CRADD: variants seen among roughly 807,000 people sequenced by gnomAD.
CRADD encodes the protein death domain-containing protein CRADD.
CRADD carries 9 observed loss-of-function variants against 15.5 expected under a neutral mutation model. The ratio of observed to expected loss-of-function variants is 0.58; its 90% CI spans 0.35 to 1.01. The LOEUF is 1.01. CRADD is among the 50% of genes least tolerant of loss of function. The pLI, the probability that CRADD is intolerant of heterozygous loss-of-function variation, is 0.02. For synonymous variants in CRADD, 118 were observed against 107.6 expected (o/e 1.10, Z -0.60); for missense variants, 227 against 250.3 (o/e 0.91, Z 0.63).
At chr12:93,863,814 ATATC>A (rs1167545064) in intron 2 of CRADD, among the ~76,000 whole-genome samples, 1 of 152,124 alleles carries the variant, frequency 6.6e-6, no homozygotes, top group Non-Finnish European at 1.5e-5. Context: ...CTAATTTTCA[ATATC>A]TAAAGCACCA....
chr12:93,749,395 G>T (rs1956805552), intron 2 of CRADD, among the ~76,000 whole-genome samples: 1 of 152,190 alleles, frequency 6.6e-6, no homozygotes, highest in South Asian at 2.1e-4. Context: ...CTGGACAGGA[G>T]AATGGATTTT....
intron 2 of CRADD, among the ~76,000 whole-genome samples, chr12:93,715,409 A>G (rs1956144315): frequency 1.3e-5 from 2 of 152,248 alleles, no homozygotes; most frequent in Non-Finnish European, 2.9e-5. Flanking sequence ...CATTTATTGT[A>G]GAGGAACCTG....
At chr12:93,754,597 A>T (rs954478719) in intron 2 of CRADD, among the ~76,000 whole-genome samples, 2 of 152,252 alleles carry the variant, frequency 1.3e-5, no homozygotes, top group Non-Finnish European at 2.9e-5. Flanking sequence ...AAATGCCACC[A>T]GTCTCTTTGC....
At chr12:93,717,302 A>AT (rs1464934497) in intron 2 of CRADD, among the ~76,000 whole-genome samples, 1 of 151,934 alleles carries the variant, frequency 6.6e-6, no homozygotes, top group African/African-American at 2.4e-5. Context: ...CTCTGCAAAT[A>AT]TTTTTTCTAG....
chr12:93,759,335 T>C (rs777094104), intron 2 of CRADD, among the ~76,000 whole-genome samples: 10 of 152,034 alleles, frequency 6.6e-5, no homozygotes, highest in Admixed American at 2.0e-4. Flanking sequence ...TTAAAAAGAG[T>C]TGCATATATG....
chr12:93,846,022 T>C (rs1958111398), intron 2 of CRADD, among the ~76,000 whole-genome samples: 2 of 151,228 alleles, frequency 1.3e-5, no homozygotes, highest in South Asian at 4.2e-4. Flanking sequence ...CTCATATGAA[T>C]AGAATCAGAA....
chr12:93,882,337 C>T (rs1380110425), intron 2 of CRADD, among the ~76,000 whole-genome samples: 1 of 147,984 alleles, frequency 6.8e-6, no homozygotes, highest in East Asian at 2.0e-4. Context: ...AGGAGAATCG[C>T]TTGAACCCGG....
At chr12:93,750,512 TA>T (rs1311516160) in intron 2 of CRADD, among the ~76,000 whole-genome samples, 1 of 151,944 alleles carries the variant, frequency 6.6e-6, no homozygotes, top group African/African-American at 2.4e-5. Context: ...ACATACTACA[TA>T]AAAAAATAAC....
At chr12:93,770,332 C>T (rs1459412698) in intron 2 of CRADD, among the ~76,000 whole-genome samples, 1 of 151,894 alleles carries the variant, frequency 6.6e-6, no homozygotes, top group Non-Finnish European at 1.5e-5. Context: ...CTCCTGACCT[C>T]GTGATCCGCC....
chr12:93,811,066 C>G lies in CRADD; in HGVS notation c.299-38904C>G, dbSNP rs1279460837. On this transcript the variant is annotated intron_variant, in intron 2 of 2. Transcript: ENST00000332896. ...TTTCCCTTAGCCCCCCCTCCTGGAA[C>G]AGCCGGCTGCTGGTGGTCTAGTTTT... Among the ~76,000 whole-genome samples, 3 of 152,086 alleles carry G rather than the reference C, an allele frequency of 2.0e-5. No individual in the cohort carries two copies. In the East Asian group the frequency reaches 5.8e-4, roughly 29 times the overall value.
chr12:93,764,180 C>CTTTTTTTTTTTTTTTTTT (rs34243041), intron 2 of CRADD, among the ~76,000 whole-genome samples: 1 of 128,400 alleles, frequency 7.8e-6, no homozygotes, highest in Non-Finnish European at 1.6e-5. Flanking sequence ...ACATGATCAA[C>CTTTTTTTTTTTTTTTTTT]TTTTTTTTTT....
chr12:93,773,813 G>GTTTTTTTT (rs3030268), intron 2 of CRADD, among the ~76,000 whole-genome samples: 6 of 87,558 alleles, frequency 6.9e-5, no homozygotes, highest in Admixed American at 1.7e-4. Flanking sequence ...TACTTTGTGA[G>GTTTTTTTT]TTTTTTTTTT....
At chr12:93,838,648 A>G (rs1958010380) in intron 2 of CRADD, among the ~76,000 whole-genome samples, 1 of 149,206 alleles carries the variant, frequency 6.7e-6, no homozygotes, top group Non-Finnish European at 1.5e-5. Flanking sequence ...TTTTCCATTC[A>G]TATACTCACT....
chr12:93,790,912 G>C (rs926560954), intron 2 of CRADD, among the ~76,000 whole-genome samples: 6 of 144,740 alleles, frequency 4.1e-5, no homozygotes, highest in Non-Finnish European at 6.0e-5. Flanking sequence ...CCATATACAT[G>C]ACACACACAC....
At chr12:93,733,535 C>A (rs2136915737) in intron 2 of CRADD, 1 of 152,400 alleles carries the variant, frequency 6.6e-6, no homozygotes, top group Non-Finnish European at 1.5e-5. Context: ...CCCCCATCAC[C>A]CAGCCGTCTG....
chr12:93,883,649 C>A (rs1958517549), intron 2 of CRADD, among the ~76,000 whole-genome samples: 1 of 151,976 alleles, frequency 6.6e-6, no homozygotes. Flanking sequence ...AAGATCCCAT[C>A]TCTAAAACAA....
intron 2 of CRADD, among the ~76,000 whole-genome samples, chr12:93,873,107 T>C (rs1400871282): frequency 6.6e-6 from 1 of 152,096 alleles, no homozygotes; most frequent in East Asian, 1.9e-4. Flanking sequence ...ATAGTTTTCA[T>C]TATAAACATC....
At chr12:93,767,446 T>C (rs1957037984) in intron 2 of CRADD, among the ~76,000 whole-genome samples, 1 of 152,252 alleles carries the variant, frequency 6.6e-6, no homozygotes, top group South Asian at 2.1e-4. Context: ...ATTTATTCTG[T>C]GTCCTCTATT....
At chr12:93,838,707 T>A (rs973939411) in intron 2 of CRADD, among the ~76,000 whole-genome samples, 13 of 152,108 alleles carry the variant, frequency 8.5e-5, no homozygotes, top group African/African-American at 2.9e-4. Flanking sequence ...CTGACTGATA[T>A]GTATTCCTTT....
Sources: gnomAD v4.1 joint callset for allele counts (sites outside exome capture counted in the v4.1 genomes callset) on GRCh38, gnomAD v4.1.1 for gene constraint, MANE v1.5 for transcripts, NCBI Gene and HGNC (gene_info 2026-07-23, HGNC 2026-07-21) for gene names.